Variants in LARGE1 observed in about 807,000 individuals in gnomAD.
The protein encoded by LARGE1 is xylosyl- and glucuronyltransferase LARGE1.
In LARGE1, 43 loss-of-function variants were observed where a neutral mutation model predicts 87.6. That is an observed-to-expected ratio of 0.49 (90% CI 0.38 to 0.63). The LOEUF (loss-of-function observed/expected upper bound fraction) is 0.63. Ranked by LOEUF, LARGE1 falls within the 30% of genes least tolerant of loss-of-function variation. The pLI, the probability that LARGE1 is intolerant of heterozygous loss-of-function variation, is 0.00. For missense variants in LARGE1, 802 were observed against 1,000.2 expected (o/e 0.80, Z 2.67); for synonymous variants, 434 against 394.6 (o/e 1.10, Z -1.18).
At chr22:33,497,992 C>T (rs1316614519) in intron 6 of LARGE1, among the ~76,000 whole-genome samples, 1 of 152,186 alleles carries the variant, frequency 6.6e-6, no homozygotes, top group Non-Finnish European at 1.5e-5. Flanking sequence ...AAGCGATTCT[C>T]GTGCCTCAGC....
At chr22:33,903,958 T>C (rs1462651754) in intron 1 of LARGE1, among the ~76,000 whole-genome samples, 1 of 152,168 alleles carries the variant, frequency 6.6e-6, no homozygotes, top group Non-Finnish European at 1.5e-5. Flanking sequence ...GTAGGGGAAG[T>C]ACACACAGGA....
intron 4 of LARGE1, among the ~76,000 whole-genome samples, chr22:33,610,486 T>C (rs569492624): frequency 6.6e-6 from 1 of 152,296 alleles, no homozygotes; most frequent in Admixed American, 6.5e-5. Context: ...CTAGGGTATC[T>C]GCCAGAGGAC....
chr22:33,393,581 A>G (rs2065608992), intron 7 of LARGE1, among the ~76,000 whole-genome samples: 1 of 152,380 alleles, frequency 6.6e-6, no homozygotes, highest in Admixed American at 6.5e-5. Flanking sequence ...GCCCCAAATC[A>G]GACTTTTGAC....
intron 6 of LARGE1, among the ~76,000 whole-genome samples, chr22:33,473,868 T>C (rs535651917): frequency 1.0e-3 from 152 of 152,336 alleles, no homozygotes; most frequent in Non-Finnish European, 1.2e-3. Context: ...CTAAAATTAA[T>C]TCTGTTCTAT....
chr22:33,306,796 C>T (rs1934976869), intron 11 of LARGE1, among the ~76,000 whole-genome samples: 1 of 151,658 alleles, frequency 6.6e-6, no homozygotes, highest in South Asian at 2.1e-4. Context: ...ATCGCTTGAA[C>T]CCAGGGGGTG....
chr22:33,774,110 C>T (rs78087476), intron 1 of LARGE1, among the ~76,000 whole-genome samples: 12,098 of 151,898 alleles, frequency 0.08, 592 homozygotes, highest in South Asian at 0.22. Flanking sequence ...GAAAAAAACT[C>T]CTCCAAACAC....
intron 11 of LARGE1, among the ~76,000 whole-genome samples, chr22:33,244,647 C>T (rs1482461041): frequency 6.6e-6 from 1 of 152,202 alleles, no homozygotes; most frequent in Non-Finnish European, 1.5e-5. Flanking sequence ...TCTCTGTAGG[C>T]AGTTAGAAAT....
chr22:33,455,813 T>A (rs577837671), intron 6 of LARGE1, among the ~76,000 whole-genome samples: 1 of 149,278 alleles, frequency 6.7e-6, no homozygotes, highest in African/African-American at 2.5e-5. Flanking sequence ...GGAAGGATAG[T>A]AGAAGTCTCC....
intron 7 of LARGE1, among the ~76,000 whole-genome samples, chr22:33,425,993 G>T (rs892222484): frequency 6.6e-6 from 1 of 152,064 alleles, no homozygotes; most frequent in African/African-American, 2.4e-5. Flanking sequence ...TGATCCACCC[G>T]CTTCGGCCTC....
At chr22:33,585,288 G>A (rs534957139) in intron 5 of LARGE1, among the ~76,000 whole-genome samples, 34 of 151,966 alleles carry the variant, frequency 2.2e-4, no homozygotes, top group African/African-American at 7.7e-4. Context: ...TATCCAGAGA[G>A]CTACACTTCA....
chr22:33,690,075 A>T (rs5994788), intron 2 of LARGE1, among the ~76,000 whole-genome samples: 2 of 152,122 alleles, frequency 1.3e-5, no homozygotes, highest in South Asian at 2.1e-4. Flanking sequence ...GCTGCTTCCA[A>T]GGGGAAGCTC....
chr22:33,458,320 G>C (rs899167403), intron 6 of LARGE1, among the ~76,000 whole-genome samples: 2 of 152,034 alleles, frequency 1.3e-5, no homozygotes, highest in Admixed American at 6.6e-5. Context: ...CAGCCAGGAT[G>C]GTCTCGATCT....
chr22:33,655,013 TC>T (rs1165098863), intron 2 of LARGE1, among the ~76,000 whole-genome samples: 1 of 152,200 alleles, frequency 6.6e-6, no homozygotes, highest in Non-Finnish European at 1.5e-5. Flanking sequence ...GGCCACAAAG[TC>T]CATTTGCTCT....
At chr22:33,388,425 A>T (rs1451157865) in intron 7 of LARGE1, among the ~76,000 whole-genome samples, 3 of 152,220 alleles carry the variant, frequency 2.0e-5, no homozygotes, top group Non-Finnish European at 2.9e-5. Context: ...GAGTCCACAG[A>T]TTCTAAATTT....
intron 11 of LARGE1, among the ~76,000 whole-genome samples, chr22:33,236,248 G>A (rs913440399): frequency 9.2e-5 from 14 of 152,140 alleles, no homozygotes; most frequent in East Asian, 1.9e-4. Context: ...CCTAGGAAAC[G>A]AATACATGAG....
intron 2 of LARGE1, among the ~76,000 whole-genome samples, chr22:33,695,768 T>C (rs2149352060): frequency 6.6e-6 from 1 of 152,294 alleles, no homozygotes; most frequent in East Asian, 1.9e-4. Context: ...TATAATGAAA[T>C]GCACAAATCA....
At chr22:33,543,464 G>A (rs2148654619) in intron 6 of LARGE1, among the ~76,000 whole-genome samples, 1 of 152,308 alleles carries the variant, frequency 6.6e-6, no homozygotes, top group South Asian at 2.1e-4. Context: ...AAATGCCTAT[G>A]ATAAGCTGGG....
At chr22:33,828,020 T>C (rs2062850224) in intron 1 of LARGE1, among the ~76,000 whole-genome samples, 1 of 152,092 alleles carries the variant, frequency 6.6e-6, no homozygotes. Flanking sequence ...TCAGAGAGTA[T>C]TACAGAAATT....
chr22:33,124,361 G>A, the LARGE1 span, among the ~76,000 whole-genome samples: 2 of 125,226 alleles, frequency 1.6e-5, no homozygotes, highest in Non-Finnish European at 3.7e-5. Flanking sequence ...AGGAAAGAAG[G>A]AAGGAAGGAA....
Sources: allele counts gnomAD v4.1 joint callset (sites outside exome capture counted in the v4.1 genomes callset), GRCh38; gene constraint gnomAD v4.1.1; transcripts MANE v1.5; gene names NCBI Gene and HGNC (gene_info 2026-07-23, HGNC 2026-07-21).